The following ATP11C variants were observed in gnomAD, a reference collection of about 807,000 sequenced individuals.
ATP11C encodes ATPase phospholipid transporting 11C (ATP11C blood group).
ATP11C carries 36 observed loss-of-function variants against 97.4 expected under a neutral mutation model. The ratio of observed to expected loss-of-function variants is 0.37; its 90% confidence interval spans 0.28 to 0.49. The LOEUF is 0.49. Among genes scored for constraint, ATP11C ranks in the 20% least tolerant of loss-of-function variants. ATP11C has a pLI of 0.98. For missense variants in ATP11C, 730 were observed against 824.6 expected (o/e 0.89, Z 1.40); for synonymous variants, 275 against 290.9 (o/e 0.95, Z 0.56).
At position 139,871,905 on chromosome X, in the gene ATP11C, A is replaced by G. The variant is rs555256463; in HGVS notation, c.28-45082T>C. ...CCTCATGACTAATTGTCAAATTTTT[A>G]AAATCATATATATCCTGATTACATA... On this transcript the variant is annotated intron_variant, in intron 1 of 29. Transcript: ENST00000682941. 3.3e-4 allele frequency among the ~76,000 whole-genome samples: 37 copies of G among 111,540 alleles called. No individual in the cohort carries two copies. The South Asian group carries it at 0.014, about 42-fold the overall frequency.
At chrX:139,799,644 C>CTTTTTTT (rs754371113) in intron 8 of ATP11C, among the ~76,000 whole-genome samples, 34 of 60,362 alleles carry the variant, frequency 5.6e-4, no homozygotes, top group East Asian at 1.2e-3. Context: ...CTTTATATTC[C>CTTTTTTT]TTTTTTTTTT....
Position 139,932,032 on chromosome X carries a change from C to T in ATP11C, c.11G>A (p.Arg4Gln). ...TGTACTTACAAAACGATTCAAGCTC[C>T]GGCGGAACATCGCGTCGAAGGCTGC... The part of the protein sequence containing the change: MFR[R>Q]SLNRFCAGEE... Residue 4 changes from arginine to glutamine, a missense_variant, in exon 1 of 30, where the codon CGG becomes CAG. Arg to Gln is a conservative substitution (Grantham distance 43). Coordinates refer to ENST00000682941, the MANE Select transcript of ATP11C (RefSeq NM_001353812.2). 1 of 1,164,744 alleles carries T rather than the reference C, an allele frequency of 8.6e-7. No homozygotes were observed. Among genetic ancestry groups the T allele is most frequent in the South Asian group, 1.9e-5 (1 of 52,070 alleles).
intron 1 of ATP11C, among the ~76,000 whole-genome samples, chrX:139,848,476 C>G (rs1285421746): frequency 9.2e-6 from 1 of 108,492 alleles, no homozygotes; most frequent in Non-Finnish European, 1.9e-5. Context: ...TCTTTAAGAC[C>G]TCTACTCTCT....
intron 24 of ATP11C, among the ~76,000 whole-genome samples, 162 bp downstream of exon 24, chrX:139,749,863 T>C (rs181896961): frequency 1.6e-3 from 179 of 112,116 alleles, no homozygotes; most frequent in African/African-American, 5.3e-3. Context: ...ATATGTCATT[T>C]TCCTGTTGAG....
intron 1 of ATP11C, among the ~76,000 whole-genome samples, chrX:139,840,097 G>A (rs2083805467): frequency 1.8e-5 from 2 of 111,964 alleles, no homozygotes; most frequent in African/African-American, 6.5e-5. Context: ...GCAAAGCAAA[G>A]CATGAAGAAA....
At chrX:139,820,008 A>G (rs2083370510) in intron 2 of ATP11C, among the ~76,000 whole-genome samples, 1 of 111,635 alleles carries the variant, frequency 9.0e-6, no homozygotes, top group African/African-American at 3.3e-5. Context: ...CAACATGGCA[A>G]AACCCTGTCT....
At chrX:139,830,754 TC>T (rs1366485591) in intron 1 of ATP11C, among the ~76,000 whole-genome samples, 2 of 111,880 alleles carry the variant, frequency 1.8e-5, no homozygotes, top group East Asian at 5.6e-4. Flanking sequence ...TTCTCCACTC[TC>T]CAGCCCAAAG....
In ATP11C at chrX:139,765,839, A is replaced by G. The variant is rs141235431; in HGVS notation, c.2391+2421T>C. Among the ~76,000 whole-genome samples, 1,063 of 111,922 alleles carry G rather than the reference A, an allele frequency of 9.5e-3. 22 individuals are homozygous for G. Among genetic ancestry groups the G allele is most frequent in the African/African-American group, 0.033 (1,022 of 30,719 alleles). On this transcript the variant is annotated intron_variant, in intron 20 of 29. Transcript: ENST00000682941. ...GTTCCAGGAGTTCAATGAGCTATTGAAAGGCCTAGCCCTGAAAGGTAATGA... is the reference window on the plus strand; with the variant it reads ...GTTCCAGGAGTTCAATGAGCTATTGGAAGGCCTAGCCCTGAAAGGTAATGA...
intron 1 of ATP11C, among the ~76,000 whole-genome samples, chrX:139,929,647 T>TA (rs1420558425): frequency 6.5e-4 from 73 of 111,647 alleles, no homozygotes; most frequent in African/African-American, 1.0e-3. Flanking sequence ...ACAGGTACAC[T>TA]AAAAAAACAA....
chrX:139,876,984 G>C (rs1044647475), intron 1 of ATP11C, among the ~76,000 whole-genome samples: 2 of 112,635 alleles, frequency 1.8e-5, no homozygotes, highest in African/African-American at 6.4e-5. Flanking sequence ...CAACCAAAGA[G>C]AGACTACAAT....
At chrX:139,873,603 G>C (rs971216833) in intron 1 of ATP11C, among the ~76,000 whole-genome samples, 3 of 104,892 alleles carry the variant, frequency 2.9e-5, no homozygotes, top group Non-Finnish European at 5.8e-5. Context: ...AGCTACTTAA[G>C]AGGCTGAGGC....
intron 2 of ATP11C, among the ~76,000 whole-genome samples, chrX:139,822,549 A>C (rs892757578): frequency 9.0e-5 from 10 of 110,701 alleles, no homozygotes; most frequent in African/African-American, 3.0e-4. Context: ...GAGTAGCTGG[A>C]ATTACAGGCA....
rs934664774 is a variant in ATP11C at position 139,853,833 on chromosome X, CAAAAAAAAAAAAAAA to C, written c.28-27025_28-27011del. On this transcript the variant is annotated intron_variant, in intron 1 of 29. Transcript: ENST00000682941. ...TCACCAGTTCAGAACTATCCTAAGT[CAAAAAAAAAAAAAAA>C]AAAAAAAAAAAAGGTAGCTTACTAA... Among the ~76,000 whole-genome samples the C allele has an allele frequency of 3.8e-4, 8 of 21,269 alleles. No individual in the cohort carries two copies. The East Asian group carries it at 0.014, about 38-fold the overall frequency. The allele number at this position is 21,269 out of a possible 115,157, so 18.5% of individuals were successfully genotyped here. A position where few individuals can be genotyped will look rare whatever the true frequency, so the allele number is the denominator to read the frequency against.
At chrX:139,900,226 G>C (rs2084875973) in intron 1 of ATP11C, among the ~76,000 whole-genome samples, 1 of 110,347 alleles carries the variant, frequency 9.1e-6, no homozygotes, top group Non-Finnish European at 1.9e-5. Context: ...AAAATTAGCG[G>C]GGTGTGGTGG....
In ATP11C at chrX:139,781,222, T is replaced by C. The variant is rs989987572; in HGVS notation, c.1952+1325A>G. Reference sequence around the variant, plus strand: ...TAACAATGAAATTAGACTAAAGGAATTTCATTAGAGTTTCAATACCTTTTA... The same window carrying C: ...TAACAATGAAATTAGACTAAAGGAACTTCATTAGAGTTTCAATACCTTTTA... On this transcript the variant is annotated intron_variant, in intron 18 of 29. Transcript: ENST00000682941. 2.7e-5 allele frequency among the ~76,000 whole-genome samples: 3 copies of C among 112,182 alleles called. No homozygotes were observed. In the Admixed American group the frequency reaches 2.8e-4, roughly 11 times the overall value.
chrX:139,921,682 T>A (rs1569493027), intron 1 of ATP11C, among the ~76,000 whole-genome samples: 1 of 111,307 alleles, frequency 9.0e-6, no homozygotes, highest in African/African-American at 3.3e-5. Context: ...TGGTAAGGAA[T>A]GTGCTCCTGA....
At chrX:139,841,569 A>G (rs1230836800) in intron 1 of ATP11C, among the ~76,000 whole-genome samples, 1 of 112,106 alleles carries the variant, frequency 8.9e-6, no homozygotes, top group Non-Finnish European at 1.9e-5. Context: ...GCAGAGAGGT[A>G]AGGAAAACTC....
intron 1 of ATP11C, among the ~76,000 whole-genome samples, chrX:139,859,927 C>G (rs1366956946): frequency 1.1e-5 from 1 of 94,593 alleles, no homozygotes; most frequent in Non-Finnish European, 1.9e-5. Context: ...ACGGTGAAAC[C>G]CCGTCTCTAC....
intron 16 of ATP11C, among the ~76,000 whole-genome samples, chrX:139,783,694 G>A (rs1171387806): frequency 2.7e-5 from 3 of 110,825 alleles, no homozygotes; most frequent in Non-Finnish European, 3.8e-5. Context: ...GCAACACAGG[G>A]AGACCCTGAC....
Sources: allele counts gnomAD v4.1 joint callset (sites outside exome capture counted in the v4.1 genomes callset), GRCh38; gene constraint gnomAD v4.1.1; transcripts MANE v1.5; gene names NCBI Gene and HGNC (gene_info 2026-07-23, HGNC 2026-07-21).